The following LSM8 variants were observed in gnomAD, a reference collection of about 807,000 sequenced individuals.
LSM8 encodes the protein LSM8 homolog, U6 small nuclear RNA associated.
Under a neutral mutation model 15.0 loss-of-function variants are expected in LSM8, and 14 were observed. The ratio of observed to expected loss-of-function variants is 0.93; its 90% CI spans 0.62 to 1.46. LSM8 has a LOEUF of 1.46. Among genes scored for constraint, LSM8 ranks in the 40% most tolerant of loss-of-function variants. The pLI, the probability that LSM8 is intolerant of heterozygous loss-of-function variation, is 0.00. For synonymous variants in LSM8, 50 were observed against 42.1 expected (o/e 1.19, Z -0.73); for missense variants, 90 against 115.4 (o/e 0.78, Z 1.01).
At position 118,195,045 on chromosome 7, in the gene LSM8, A is replaced by AAT. The variant is rs1269302837; in HGVS notation, c.*3043_*3044insAT. On this transcript the variant is annotated 3_prime_UTR_variant, in exon 4 of 4. Transcript: ENST00000249299. ...AATCTGCTATCAAGCATCTATCAGA[A>AAT]GCCTGATGAGAAATATTCAGATGAT... Among the ~76,000 whole-genome samples, 1 of 152,208 alleles carries AAT rather than the reference A, an allele frequency of 6.6e-6. No individual in the cohort carries two copies. The highest frequency in any genetic ancestry group is 1.5e-5 in the Non-Finnish European group (1 of 68,022).
chr7:118,189,657 T>A (rs1808946588), intron 3 of LSM8: 1 of 152,072 alleles, frequency 6.6e-6, no homozygotes, highest in Admixed American at 6.6e-5. Context: ...GCCCAGGAGT[T>A]CAAGACCAGC....
chr7:118,194,212 A>G lies in LSM8; in HGVS notation c.*2210A>G, dbSNP rs28738763. Among the ~76,000 whole-genome samples the G allele has an allele frequency of 0.013, 1,848 of 146,754 alleles. 37 individuals carry two copies. Among genetic ancestry groups the G allele is most frequent in the African/African-American group, 0.043 (1,721 of 40,060 alleles). Reference sequence around the variant, plus strand: ...TATTCTATAATCAGTTCTTATTTATAAAGAGGCGCAAATCAATTTCAACCT... The same window carrying G: ...TATTCTATAATCAGTTCTTATTTATGAAGAGGCGCAAATCAATTTCAACCT... On this transcript the variant is annotated 3_prime_UTR_variant, in exon 4 of 4. Coordinates refer to ENST00000249299, the MANE Select transcript of LSM8 (RefSeq NM_016200.5).
rs1809139162 is a variant in LSM8 at position 118,199,647 on chromosome 7, A to G, written c.*7645A>G. 6.6e-6 allele frequency among the ~76,000 whole-genome samples: 1 copy of G among 152,144 alleles called. No homozygotes were observed. The highest frequency in any genetic ancestry group is 1.9e-4 in the East Asian group (1 of 5,184). On this transcript the variant is annotated 3_prime_UTR_variant, in exon 4 of 4. Transcript: ENST00000249299. Reference sequence around the variant, plus strand: ...TAACTTTGCAACAATCTGTTCAACAATGAGAGTTACCAAATGCCAGACACT... The same window carrying G: ...TAACTTTGCAACAATCTGTTCAACAGTGAGAGTTACCAAATGCCAGACACT...
rs1392540479 is a variant in LSM8 at position 118,204,015 on chromosome 7, TA to T, written c.*12016del. Among the ~76,000 whole-genome samples the T allele has an allele frequency of 1.3e-5, 2 of 151,930 alleles. No homozygotes were observed. Among genetic ancestry groups the T allele is most frequent in the East Asian group, 3.9e-4 (2 of 5,182 alleles). On this transcript the variant is annotated 3_prime_UTR_variant, in exon 4 of 4. Coordinates refer to ENST00000249299, the MANE Select transcript of LSM8 (RefSeq NM_016200.5). The stretch of plus-strand genomic sequence containing the variant: ...TGCTGTTAATTATTACACCTAAAAA[TA>T]AATTATTTTACAGAGGCTACTAAGA...
At chr7:118,188,441 A>G (rs774268970) in intron 3 of LSM8, 36 bp downstream of exon 3, 10 of 1,579,918 alleles carry the variant, frequency 6.3e-6, no homozygotes, top group Non-Finnish European at 8.7e-6. Context: ...TATAAATGAT[A>G]CTGCCTTACT....
rs1162698419 is a variant in LSM8 at position 118,201,522 on chromosome 7, A to T, written c.*9520A>T. On this transcript the variant is annotated 3_prime_UTR_variant, in exon 4 of 4. Coordinates refer to ENST00000249299, the MANE Select transcript of LSM8 (RefSeq NM_016200.5). The stretch of plus-strand genomic sequence containing the variant: ...ATGCATTTTATAATGTACAACCAAG[A>T]ATCTCAATATTTATTATTTTGCATT... Among the ~76,000 whole-genome samples the T allele has an allele frequency of 1.3e-5, 2 of 152,138 alleles. No individual in the cohort carries two copies. Among genetic ancestry groups the T allele is most frequent in the African/African-American group, 4.8e-5 (2 of 41,452 alleles).
intron 2 of LSM8, among the ~76,000 whole-genome samples, chr7:118,186,185 A>G (rs1011680719): frequency 6.6e-6 from 1 of 151,882 alleles, no homozygotes; most frequent in Non-Finnish European, 1.5e-5. Context: ...ACACATATAT[A>G]TGTAAAATTG....
Position 118,194,371 on chromosome 7 carries a change from T to G in LSM8, c.*2369T>G, listed in dbSNP as rs1409321017. ...ATTAACTGCAAAAGGGACTTTTTTT[T>G]TTTTAACTGACAAGATACTATCTAA... On this transcript the variant is annotated 3_prime_UTR_variant, in exon 4 of 4. Coordinates refer to ENST00000249299, the MANE Select transcript of LSM8 (RefSeq NM_016200.5). Among the ~76,000 whole-genome samples the G allele has an allele frequency of 6.6e-6, 1 of 152,092 alleles. No homozygotes were observed. The highest frequency in any genetic ancestry group is 1.5e-5 in the Non-Finnish European group (1 of 67,968).
At position 118,198,671 on chromosome 7, in the gene LSM8, G is replaced by C. The variant is rs1809120819; in HGVS notation, c.*6669G>C. 6.6e-6 allele frequency among the ~76,000 whole-genome samples: 1 copy of C among 152,164 alleles called. No individual in the cohort carries two copies. The highest frequency in any genetic ancestry group is 2.1e-4 in the South Asian group (1 of 4,824). ...AGATGGTTAGGAAAACTTCAAATTG[G>C]CAGACAGGAAGGCAAGAAGGAGTAA... On this transcript the variant is annotated 3_prime_UTR_variant, in exon 4 of 4. Coordinates refer to ENST00000249299, the MANE Select transcript of LSM8 (RefSeq NM_016200.5).
chr7:118,192,053 A>G lies in LSM8; in HGVS notation c.*51A>G. On this transcript the variant is annotated 3_prime_UTR_variant, in exon 4 of 4. Coordinates refer to ENST00000249299, the MANE Select transcript of LSM8 (RefSeq NM_016200.5). ...GTAAATCTTTGTACAGAAACTGATT[A>G]TTCTGAGGATGATATATGGAGTTTT... 7.1e-7 allele frequency: 1 copy of G among 1,408,152 alleles called. No homozygotes were observed. The highest frequency in any genetic ancestry group is 9.9e-7 in the Non-Finnish European group (1 of 1,009,302). The allele number at this position is 1,408,152 out of a possible 1,614,324, so 87.2% of individuals were successfully genotyped here. A position where few individuals can be genotyped will look rare whatever the true frequency, so the allele number is the denominator to read the frequency against.
In LSM8 at chr7:118,196,854, C is replaced by T. The variant is rs1278922737; in HGVS notation, c.*4852C>T. Among the ~76,000 whole-genome samples, 1 of 151,580 alleles carries T rather than the reference C, an allele frequency of 6.6e-6. No homozygotes were observed. Among genetic ancestry groups the T allele is most frequent in the South Asian group, 2.1e-4 (1 of 4,804 alleles). ...AAGCGATTCCCCTGCCTTAGCCTCC[C>T]GAGTAGCTGGGACTACAGGCACGCG... On this transcript the variant is annotated 3_prime_UTR_variant, in exon 4 of 4. Coordinates refer to ENST00000249299, the MANE Select transcript of LSM8 (RefSeq NM_016200.5).
rs16870173 is a variant in LSM8, at chr7:118,194,288, T to C, written c.*2286T>C. Among the ~76,000 whole-genome samples the C allele has an allele frequency of 0.069, 10,426 of 152,088 alleles. 385 individuals are homozygous for C. Among genetic ancestry groups the C allele is most frequent in the East Asian group, 0.11 (564 of 5,172 alleles). On this transcript the variant is annotated 3_prime_UTR_variant, in exon 4 of 4. Transcript: ENST00000249299. Reference sequence around the variant, plus strand: ...CAGGCACAATCTAAACCCAGCTTAATGAATCAAAGAGATGTTTCTTGGCAA... The same window carrying C: ...CAGGCACAATCTAAACCCAGCTTAACGAATCAAAGAGATGTTTCTTGGCAA...
chr7:118,188,250 C>G (rs748642412), intron 2 of LSM8, 28 bp from the exon 3 acceptor site: 14 of 1,609,458 alleles, frequency 8.7e-6, no homozygotes, highest in Admixed American at 6.7e-5. Context: ...GAATATTTCT[C>G]TTTTTCTCCT....
In LSM8 at chr7:118,201,931, A is replaced by G. The variant is rs543594087; in HGVS notation, c.*9929A>G. ...GTAATCTTCCAGCACAAATTTTATA[A>G]ACAAATGCCCTGTGAATCTGCATGG... On this transcript the variant is annotated 3_prime_UTR_variant, in exon 4 of 4. Transcript: ENST00000249299. Among the ~76,000 whole-genome samples the G allele has an allele frequency of 6.6e-6, 1 of 152,222 alleles. No homozygotes were observed. The highest frequency in any genetic ancestry group is 2.1e-4 in the South Asian group (1 of 4,826).
At chr7:118,184,597 C>T (rs770260519) in intron 1 of LSM8, 43 of 213,420 alleles carry the variant, frequency 2.0e-4, no homozygotes, top group Non-Finnish European at 2.9e-4. Context: ...GTCGTCCTGG[C>T]GGCGACAACA....
chr7:118,197,966 A>G lies in LSM8; in HGVS notation c.*5964A>G, dbSNP rs1344323107. 3.9e-5 allele frequency among the ~76,000 whole-genome samples: 6 copies of G among 152,200 alleles called. No individual in the cohort carries two copies. In the East Asian group the frequency reaches 9.6e-4, roughly 24 times the overall value. ...CTAACAATTATCCTGATATTGAATGATGGACTCCAAATTATTTATTGTGGC... is the reference window on the plus strand; with the variant it reads ...CTAACAATTATCCTGATATTGAATGGTGGACTCCAAATTATTTATTGTGGC... On this transcript the variant is annotated 3_prime_UTR_variant, in exon 4 of 4. Transcript: ENST00000249299.
rs1161091545 is a variant in LSM8 at position 118,192,866 on chromosome 7, A to G, written c.*864A>G. ...TATTGTCAGCAATTTTCCATGATTCATTATCCATAAACCTGATTTCAGAAG... is the reference window on the plus strand; with the variant it reads ...TATTGTCAGCAATTTTCCATGATTCGTTATCCATAAACCTGATTTCAGAAG... On this transcript the variant is annotated 3_prime_UTR_variant, in exon 4 of 4. Transcript: ENST00000249299. 6.6e-6 allele frequency: 1 copy of G among 152,128 alleles called. No homozygotes were observed. Among genetic ancestry groups the G allele is most frequent in the Non-Finnish European group, 1.5e-5 (1 of 67,988 alleles). The allele number at this position is 152,128 out of a possible 1,614,324, so 9.4% of individuals were successfully genotyped here. A position where few individuals can be genotyped will look rare whatever the true frequency, so the allele number is the denominator to read the frequency against.
In LSM8 at chr7:118,196,365, T is replaced by C. The variant is rs62466476; in HGVS notation, c.*4363T>C. 0.069 allele frequency among the ~76,000 whole-genome samples: 10,435 copies of C among 151,742 alleles called. 383 individuals are homozygous for C. The highest frequency in any genetic ancestry group is 0.11 in the East Asian group (564 of 5,140). ...TCATTCAAAACAACTAGAAACAGTC[T>C]TTTTAAAATAAATATAATTCAAGTC... On this transcript the variant is annotated 3_prime_UTR_variant, in exon 4 of 4. Coordinates refer to ENST00000249299, the MANE Select transcript of LSM8 (RefSeq NM_016200.5).
At chr7:118,186,122 TTGTG>T (rs900102141) in intron 2 of LSM8, among the ~76,000 whole-genome samples, 2 of 152,218 alleles carry the variant, frequency 1.3e-5, no homozygotes, top group African/African-American at 4.8e-5. Context: ...TGTTTTTAGG[TTGTG>T]TGACATGTCT....
Sources: gnomAD v4.1 joint callset for allele counts (sites outside exome capture counted in the v4.1 genomes callset) on GRCh38, gnomAD v4.1.1 for gene constraint, MANE v1.5 for transcripts, NCBI Gene and HGNC (gene_info 2026-07-23, HGNC 2026-07-21) for gene names.